The following DPP6 variants were observed in gnomAD, a reference collection of about 807,000 sequenced individuals.
The protein encoded by DPP6 is A-type potassium channel modulatory protein DPP6.
In DPP6, 69 loss-of-function variants were observed where a neutral mutation model predicts 122.6. The observed-to-expected ratio is 0.56, with a 90% CI of 0.46 to 0.69. The LOEUF is 0.69. DPP6 is among the 30% of genes least tolerant of loss of function. The pLI, the probability that DPP6 is intolerant of heterozygous loss-of-function variation, is 0.00. For synonymous variants in DPP6, 418 were observed against 433.1 expected (o/e 0.97, Z 0.43); for missense variants, 928 against 1,116.9 (o/e 0.83, Z 2.41).
At chr7:154,127,674 C>A (rs6953038) in intron 1 of DPP6, among the ~76,000 whole-genome samples, 3 of 148,160 alleles carry the variant, frequency 2.0e-5, no homozygotes, top group African/African-American at 7.5e-5. Flanking sequence ...CACACACACA[C>A]ACAAAACAGC....
chr7:154,571,803 C>T (rs1049423466), intron 5 of DPP6, among the ~76,000 whole-genome samples: 5 of 152,104 alleles, frequency 3.3e-5, no homozygotes, highest in African/African-American at 9.7e-5. Context: ...ACACATAAAC[C>T]AATCCGTTTT....
chr7:154,239,339 C>T (rs1305519339), intron 1 of DPP6, among the ~76,000 whole-genome samples: 1 of 152,176 alleles, frequency 6.6e-6, no homozygotes, highest in Non-Finnish European at 1.5e-5. Context: ...TTGAACGGAG[C>T]AGTTCCACTT....
At chr7:153,958,613 G>A (rs1483371945) in intron 1 of DPP6, among the ~76,000 whole-genome samples, 1 of 152,170 alleles carries the variant, frequency 6.6e-6, no homozygotes, top group African/African-American at 2.4e-5. Context: ...TCTGCAGCCT[G>A]ATTTATTTTG....
At chr7:153,953,060 A>G (rs1443453805) in intron 1 of DPP6, among the ~76,000 whole-genome samples, 3 of 152,222 alleles carry the variant, frequency 2.0e-5, no homozygotes, top group Admixed American at 2.0e-4. Context: ...ACCCATGTTT[A>G]TCTCCAGCCT....
At chr7:154,382,765 G>A (rs999777458) in intron 1 of DPP6, among the ~76,000 whole-genome samples, 2 of 152,102 alleles carry the variant, frequency 1.3e-5, no homozygotes, top group African/African-American at 4.8e-5. Flanking sequence ...GAGTTTTGCT[G>A]TTGTTACCCA....
At chr7:154,544,206 A>G (rs1828980378) in intron 4 of DPP6, among the ~76,000 whole-genome samples, 1 of 150,238 alleles carries the variant, frequency 6.7e-6, no homozygotes, top group Admixed American at 6.7e-5. Flanking sequence ...TTGATAGCAT[A>G]TCATATTTGA....
chr7:154,163,526 C>T (rs1216228459), intron 1 of DPP6, among the ~76,000 whole-genome samples: 1 of 152,094 alleles, frequency 6.6e-6, no homozygotes, highest in Non-Finnish European at 1.5e-5. Context: ...ATTTTTAGCC[C>T]TCAAATTTTT....
chr7:153,970,516 C>A (rs1159634672), intron 1 of DPP6, among the ~76,000 whole-genome samples: 1 of 152,122 alleles, frequency 6.6e-6, no homozygotes, highest in Non-Finnish European at 1.5e-5. Context: ...AATTTATCAA[C>A]TTTTTTCTTT....
chr7:154,555,425 T>A (rs558987233), intron 4 of DPP6, among the ~76,000 whole-genome samples: 5 of 151,594 alleles, frequency 3.3e-5, no homozygotes, highest in African/African-American at 9.7e-5. Flanking sequence ...ATGAGAACAC[T>A]TGGACACAGG....
intron 1 of DPP6, among the ~76,000 whole-genome samples, chr7:154,363,765 C>G (rs1000809406): frequency 6.6e-6 from 1 of 152,164 alleles, no homozygotes; most frequent in Non-Finnish European, 1.5e-5. Context: ...AACATGTGCT[C>G]TTATTTTTAT....
At position 153,922,812 on chromosome 7, in the gene DPP6, T is replaced by G. The variant is rs367869506; in HGVS notation, c.51+35078T>G. Among the ~76,000 whole-genome samples, 577 of 152,230 alleles carry G rather than the reference T, an allele frequency of 3.8e-3. 1 individual carries two copies. Among genetic ancestry groups the G allele is most frequent in the Middle Eastern group, 0.014 (4 of 294 alleles). ...TCTATCCTGAATAGCCCACGCTGGG[T>G]TTAAGGAGAGGCCTTAGCGAGCCCC... On this transcript the variant is annotated intron_variant, in intron 1 of 25. Transcript: ENST00000404039.
At chr7:154,813,884 T>TTA (rs1240647249) in intron 16 of DPP6, among the ~76,000 whole-genome samples, 1 of 145,798 alleles carries the variant, frequency 6.9e-6, no homozygotes, top group East Asian at 2.0e-4. Flanking sequence ...TTTCTTTTTT[T>TTA]TTTTTTTTTT....
Position 153,958,853 on chromosome 7 carries a change from C to T in DPP6, c.51+71119C>T, listed in dbSNP as rs1024382430. Reference sequence around the variant, plus strand: ...CTTCAGGGCCTCAGCTCAGCACCTGCGAACACAGACATTAAAAAAACCCTC... The same window carrying T: ...CTTCAGGGCCTCAGCTCAGCACCTGTGAACACAGACATTAAAAAAACCCTC... On this transcript the variant is annotated intron_variant, in intron 1 of 25. Coordinates refer to the DPP6 transcript ENST00000404039. Among the ~76,000 whole-genome samples, 4 of 151,614 alleles carry T rather than the reference C, an allele frequency of 2.6e-5. No homozygotes were observed. The South Asian group carries it at 6.3e-4, about 24-fold the overall frequency.
intron 1 of DPP6, among the ~76,000 whole-genome samples, chr7:154,426,137 A>G (rs1817892123): frequency 6.6e-6 from 1 of 152,206 alleles, no homozygotes; most frequent in Non-Finnish European, 1.5e-5. Flanking sequence ...TCATCTTGCC[A>G]ACACAGCCGC....
chr7:154,228,449 T>A (rs2150844753), intron 1 of DPP6, among the ~76,000 whole-genome samples: 1 of 152,342 alleles, frequency 6.6e-6, no homozygotes, highest in African/African-American at 2.4e-5. Flanking sequence ...AAATTTTGTT[T>A]CAAATAGGTC....
intron 5 of DPP6, among the ~76,000 whole-genome samples, chr7:154,584,486 A>G (rs974224019): frequency 6.6e-6 from 1 of 152,208 alleles, no homozygotes; most frequent in Non-Finnish European, 1.5e-5. Flanking sequence ...CTGATCCACA[A>G]TAGAGCCTCG....
intron 1 of DPP6, among the ~76,000 whole-genome samples, chr7:154,430,865 C>A (rs1328058428): frequency 2.0e-5 from 3 of 151,480 alleles, no homozygotes; most frequent in Non-Finnish European, 4.4e-5. Flanking sequence ...TGGAGGCAAA[C>A]CCAGGGATGT....
intron 1 of DPP6, among the ~76,000 whole-genome samples, chr7:154,126,747 G>T (rs1807916377): frequency 6.6e-6 from 1 of 152,038 alleles, no homozygotes; most frequent in Admixed American, 6.5e-5. Flanking sequence ...TTTCAAACCT[G>T]TCTAAACAGT....
intron 1 of DPP6, among the ~76,000 whole-genome samples, chr7:153,938,854 C>T (rs190633652): frequency 6.0e-4 from 92 of 152,292 alleles, no homozygotes; most frequent in Non-Finnish European, 9.0e-4. Flanking sequence ...ACGGAATGGC[C>T]GGCTGAGTCT....
Sources: allele counts gnomAD v4.1 joint callset (sites outside exome capture counted in the v4.1 genomes callset), GRCh38; gene constraint gnomAD v4.1.1; transcripts MANE v1.5; gene names NCBI Gene and HGNC (gene_info 2026-07-23, HGNC 2026-07-21).